The following ATCAY variants were observed in gnomAD, a reference collection of about 807,000 sequenced individuals.
ATCAY encodes ATCAY kinesin light chain interacting caytaxin.
In ATCAY, 22 loss-of-function variants were observed where a neutral mutation model predicts 47.7. The ratio of observed to expected loss-of-function variants is 0.46; its 90% confidence interval spans 0.33 to 0.66. The LOEUF is 0.66. ATCAY is among the 30% of genes least tolerant of loss of function. ATCAY has a pLI of 0.02. For missense variants in ATCAY, 452 were observed against 515.0 expected (o/e 0.88, Z 1.18); for synonymous variants, 216 against 207.6 (o/e 1.04, Z -0.35).
chr19:3,926,447 A>G lies in ATCAY; in HGVS notation c.*1855A>G, dbSNP rs979086476. The G allele has an allele frequency of 6.6e-6, 1 of 152,204 alleles. No individual in the cohort carries two copies. The highest frequency in any genetic ancestry group is 2.4e-5 in the African/African-American group (1 of 41,446). 9.4% of individuals were successfully genotyped at this position (152,204 alleles called of 1,614,324 possible). On this transcript the variant is annotated 3_prime_UTR_variant, in exon 13 of 13. Coordinates refer to ENST00000450849, the MANE Select transcript of ATCAY (RefSeq NM_033064.5). ...GCACATTCTCCAGGCCCTTCTTCCT[A>G]GCTCTGTGGTTGACCTCTCAGCAAG...
intron 1 of ATCAY, among the ~76,000 whole-genome samples, chr19:3,884,282 G>A (rs929069490): frequency 1.9e-4 from 27 of 144,082 alleles, no homozygotes; most frequent in East Asian, 1.8e-3. Context: ...GCAAGACCCC[G>A]TCTCTAAATA....
rs533180596 is a variant in ATCAY, at chr19:3,907,915, C to T, written c.540C>T (p.His180=). 2.5e-5 allele frequency: 41 copies of T among 1,613,260 alleles called. No homozygotes were observed. The highest frequency in any genetic ancestry group is 1.8e-4 in the Admixed American group (11 of 59,866). Residue 180 remains histidine (H), a synonymous_variant, in exon 5 of 13, where the codon CAC becomes CAT. Transcript: ENST00000450849. The surrounding 1 kb of genome is among the most constrained non-coding windows in gnomAD (Gnocchi z 5.1). ...MIRPYMKVVT[H]GGYYGEGLNA... is the part of the protein sequence containing the mutation. ...GGCCTTACATGAAAGTGGTCACCCA[C>T]GGAGGTGAGACCCGCCCCCCGGTGC...
chr19:3,906,315 T>G (rs2038860760), intron 4 of ATCAY, among the ~76,000 whole-genome samples: 1 of 151,034 alleles, frequency 6.6e-6, no homozygotes, highest in South Asian at 2.1e-4. Context: ...TTTTTTTTTT[T>G]TTTTTGAGAC....
Position 3,908,338 on chromosome 19 carries a change from C to T in ATCAY, c.615C>T (p.Pro205=), listed in dbSNP as rs112563476. 6.2e-5 allele frequency: 99 copies of T among 1,593,902 alleles called. No homozygotes were observed. The highest frequency in any genetic ancestry group is 7.3e-5 in the Non-Finnish European group (85 of 1,170,208). Residue 205 remains proline (P), a synonymous_variant, in exon 6 of 13, where the codon CCC becomes CCT. Transcript: ENST00000450849. ...GCTTCCTTCCAGACAGCAGCCTCCC[C>T]GACTACCACTACATCATGGAGAACC... The part of the protein sequence containing the change: ...AACFLPDSSL[P]DYHYIMENLF...
chr19:3,891,467 G>A (rs531223042), intron 2 of ATCAY, among the ~76,000 whole-genome samples: 2 of 151,936 alleles, frequency 1.3e-5, no homozygotes, highest in East Asian at 1.9e-4. Context: ...GATGCTATGC[G>A]CCAACTGTAT....
At position 3,924,937 on chromosome 19, in the gene ATCAY, G is replaced by A. The variant is rs886590489; in HGVS notation, c.*345G>A. 6.8e-6 allele frequency: 2 copies of A among 294,644 alleles called. No individual in the cohort carries two copies. The highest frequency in any genetic ancestry group is 1.3e-5 in the Non-Finnish European group (2 of 153,932). The allele number at this position is 294,644 out of a possible 1,614,324, so 18.3% of individuals were successfully genotyped here. A position where few individuals can be genotyped will look rare whatever the true frequency, so the allele number is the denominator to read the frequency against. On this transcript the variant is annotated 3_prime_UTR_variant, in exon 13 of 13. Coordinates refer to ENST00000450849, the MANE Select transcript of ATCAY (RefSeq NM_033064.5). Reference sequence around the variant, plus strand: ...TCCGCTCCTGCTCGCAGCCTCTGTGGTCAGAGCTGGATACAAGATTCAAGA... The same window carrying A: ...TCCGCTCCTGCTCGCAGCCTCTGTGATCAGAGCTGGATACAAGATTCAAGA...
intron 2 of ATCAY, among the ~76,000 whole-genome samples, chr19:3,889,656 G>A (rs546005999): frequency 2.0e-5 from 3 of 152,160 alleles, no homozygotes; most frequent in South Asian, 2.1e-4. Flanking sequence ...AAACAAAGGC[G>A]CATAAGCTTT....
At chr19:3,918,099 G>A (rs971913907) in intron 10 of ATCAY, among the ~76,000 whole-genome samples, 3 of 152,040 alleles carry the variant, frequency 2.0e-5, no homozygotes, top group Non-Finnish European at 4.4e-5. Context: ...AGACGGGCGC[G>A]GTGGCTCACC....
In ATCAY at chr19:3,914,163, G is replaced by A. The variant is rs1230617783; in HGVS notation, c.965+307G>A. Among the ~76,000 whole-genome samples, 11 of 147,932 alleles carry A rather than the reference G, an allele frequency of 7.4e-5. 1 individual carries two copies. The South Asian group carries it at 2.1e-3, about 29-fold the overall frequency. ...AGGCAGGAGAATGGCGTGAACCCCG[G>A]AGGCGGAGGTTGCAGTAAGCTGAGA... is the stretch of plus-strand genomic sequence containing the variant. On this transcript the variant is annotated intron_variant, in intron 9 of 12. Transcript: ENST00000450849.
At chr19:3,901,306 T>TA (rs1291965705) in intron 2 of ATCAY, among the ~76,000 whole-genome samples, 1 of 152,228 alleles carries the variant, frequency 6.6e-6, no homozygotes, top group Non-Finnish European at 1.5e-5. Context: ...GTGACTTATT[T>TA]ATATCCGTAT....
chr19:3,923,970 G>A (rs2039043214), intron 12 of ATCAY, among the ~76,000 whole-genome samples: 1 of 9,614 alleles, frequency 1.0e-4, no homozygotes, highest in African/African-American at 8.8e-4. Context: ...GTGGGTGGGT[G>A]GATGGATGGA....
chr19:3,907,668 C>G lies in ATCAY; in HGVS notation c.359-66C>G. 1 of 1,580,680 alleles carries G rather than the reference C, an allele frequency of 6.3e-7. No homozygotes were observed. Among genetic ancestry groups the G allele is most frequent in the African/African-American group, 1.4e-5 (1 of 73,954 alleles). ...GGGAGGTGGGAGAGGGGAAGGAAGGCTGAGCAGGAGGGCAGGAGATATCCG... is the reference window on the plus strand; with the variant it reads ...GGGAGGTGGGAGAGGGGAAGGAAGGGTGAGCAGGAGGGCAGGAGATATCCG... On this transcript the variant is annotated intron_variant, in intron 4 of 12. Coordinates refer to ENST00000450849, the MANE Select transcript of ATCAY (RefSeq NM_033064.5). This position sits in a 1 kb window ranked among gnomAD's most constrained non-coding sequence, Gnocchi z 5.1.
intron 8 of ATCAY, among the ~76,000 whole-genome samples, chr19:3,912,178 T>C (rs376540820): frequency 1.4e-4 from 22 of 152,272 alleles, no homozygotes; most frequent in East Asian, 7.7e-4. Context: ...AACCCAATAA[T>C]TCTGTCACTC....
At chr19:3,881,871 C>T (rs750620413) in intron 1 of ATCAY, among the ~76,000 whole-genome samples, 4 of 144,840 alleles carry the variant, frequency 2.8e-5, no homozygotes, top group African/African-American at 7.8e-5. Flanking sequence ...CCACCGCCCC[C>T]CCCCCGACCC....
Position 3,925,514 on chromosome 19 carries a change from T to G in ATCAY, c.*922T>G. ...AGATACAGGGTATCGGGCGTTTGAG[T>G]GTTTCAGAAGTCATTCGGGAAGATA... On this transcript the variant is annotated 3_prime_UTR_variant, in exon 13 of 13. Coordinates refer to ENST00000450849, the MANE Select transcript of ATCAY (RefSeq NM_033064.5). This position sits in a 1 kb window ranked among gnomAD's most constrained non-coding sequence, Gnocchi z 4.4. 6.6e-6 allele frequency: 1 copy of G among 152,176 alleles called. No individual in the cohort carries two copies. The highest frequency in any genetic ancestry group is 1.9e-4 in the East Asian group (1 of 5,184). The allele number at this position is 152,176 out of a possible 1,614,324, so 9.4% of individuals were successfully genotyped here. A position where few individuals can be genotyped will look rare whatever the true frequency, so the allele number is the denominator to read the frequency against.
chr19:3,919,690 A>C (rs1370057990), intron 11 of ATCAY, among the ~76,000 whole-genome samples: 1 of 151,350 alleles, frequency 6.6e-6, no homozygotes, highest in Admixed American at 6.6e-5. Context: ...GGAGCCCAGG[A>C]GGTCAAGGCT....
At position 3,920,771 on chromosome 19, in the gene ATCAY, C is replaced by T. The variant is rs780277278; in HGVS notation, c.1079C>T (p.Ala360Val). The change falls in exon 12 of 13, where the codon GCT becomes GTT. Residue 360 changes from alanine (A) to valine (V), a missense_variant. Coordinates refer to ENST00000450849, the MANE Select transcript of ATCAY (RefSeq NM_033064.5). ...PEVAPVENRS[A>V]LVSEDQETSM... The stretch of plus-strand genomic sequence containing the variant: ...TCTCCGTCTCTCCTCCACAGGTCTG[C>T]TCTGGTCTCAGAAGATCAGGAAACA... 6.2e-7 allele frequency: 1 copy of T among 1,613,790 alleles called. No homozygotes were observed. Among genetic ancestry groups the T allele is most frequent in the East Asian group, 2.2e-5 (1 of 44,880 alleles).
Position 3,913,749 on chromosome 19 carries a change from C to T in ATCAY, c.867-9C>T, listed in dbSNP as rs2038941907. On this transcript the variant is annotated splice_polypyrimidine_tract_variant and intron_variant, in intron 8 of 12. Transcript: ENST00000450849. ...ATTTCAGACCTCTCCCTCCTTCTCC[C>T]CCCGCCAGCGTCAAGTTCATCAACA... 6.2e-7 allele frequency: 1 copy of T among 1,612,794 alleles called. No homozygotes were observed. Among genetic ancestry groups the T allele is most frequent in the African/African-American group, 1.3e-5 (1 of 74,878 alleles).
At chr19:3,887,794 C>G (rs893295682) in intron 2 of ATCAY, among the ~76,000 whole-genome samples, 1 of 141,170 alleles carries the variant, frequency 7.1e-6, no homozygotes, top group Non-Finnish European at 1.5e-5. Context: ...CCACCTGTCT[C>G]TATTTAAAAA....
Sources: allele counts gnomAD v4.1 joint callset (sites outside exome capture counted in the v4.1 genomes callset), GRCh38; gene constraint gnomAD v4.1.1; non-coding constraint Gnocchi (gnomAD v3.1); transcripts MANE v1.5; gene names NCBI Gene and HGNC (gene_info 2026-07-23, HGNC 2026-07-21).